The following TRIM55 variants were observed in gnomAD, a reference collection of about 807,000 sequenced individuals.
The protein encoded by TRIM55 is tripartite motif containing 55, also known as tripartite motif-containing protein 55.
In TRIM55, 50 loss-of-function variants were observed where a neutral mutation model predicts 60.9. The observed-to-expected ratio is 0.82, with a 90% CI of 0.65 to 1.04. The LOEUF (loss-of-function observed/expected upper bound fraction) is 1.04, where lower values mean the gene tolerates loss of function less well. Ranked by LOEUF, TRIM55 falls within the 50% of genes least tolerant of loss-of-function variation. The pLI is 0.00. For missense variants in TRIM55, 681 were observed against 666.9 expected (o/e 1.02, Z -0.23); for synonymous variants, 237 against 238.1 (o/e 1.00, Z 0.04).
chr8:66,159,228 T>G (rs1223822228), intron 9 of TRIM55, among the ~76,000 whole-genome samples: 2 of 152,238 alleles, frequency 1.3e-5, no homozygotes, highest in Non-Finnish European at 2.9e-5. Context: ...ACCACTGATG[T>G]GTTTGATTGT....
chr8:66,140,954 T>C (rs1809776133), intron 4 of TRIM55, among the ~76,000 whole-genome samples: 1 of 152,136 alleles, frequency 6.6e-6, no homozygotes, highest in South Asian at 2.1e-4. Context: ...CTGGGGTGGG[T>C]ATTATCCTTC....
intron 9 of TRIM55, among the ~76,000 whole-genome samples, chr8:66,163,957 A>G (rs140649510): frequency 6.6e-6 from 1 of 151,534 alleles, no homozygotes; most frequent in Admixed American, 6.6e-5. Context: ...GTTTAGGTAC[A>G]TTCATATTTA....
chr8:66,121,767 T>C, the TRIM55 span, among the ~76,000 whole-genome samples: 1 of 152,250 alleles, frequency 6.6e-6, no homozygotes. Context: ...TCACTGAATC[T>C]ATTCTGGTTC....
At chr8:66,169,791 G>A (rs1222029193) in intron 9 of TRIM55, among the ~76,000 whole-genome samples, 6 of 152,236 alleles carry the variant, frequency 3.9e-5, no homozygotes, top group South Asian at 2.1e-4. Context: ...CCAATCCAAG[G>A]CACAACACTG....
At chr8:66,166,613 T>A (rs1168931974) in intron 9 of TRIM55, among the ~76,000 whole-genome samples, 1 of 152,212 alleles carries the variant, frequency 6.6e-6, no homozygotes, top group African/African-American at 2.4e-5. Context: ...TGCTTTATCA[T>A]CTACAAAGTC....
At chr8:66,114,542 T>C in the TRIM55 span, 2 of 456,240 alleles carry the variant, frequency 4.4e-6, no homozygotes, top group East Asian at 6.9e-5. Context: ...TGATTTGTGA[T>C]AAGATGTCTG....
chr8:66,135,909 C>T (rs1401360771), intron 3 of TRIM55, among the ~76,000 whole-genome samples: 2 of 152,152 alleles, frequency 1.3e-5, no homozygotes, highest in African/African-American at 4.8e-5. Flanking sequence ...CCAATAGGTG[C>T]AGCCACTCCA....
intron 2 of TRIM55, among the ~76,000 whole-genome samples, chr8:66,131,056 T>C (rs1586171236): frequency 6.6e-6 from 1 of 152,016 alleles, no homozygotes; most frequent in East Asian, 1.9e-4. Flanking sequence ...TTGGCTAATA[T>C]TAATAATTAA....
chr8:66,163,050 T>C (rs754113092), intron 9 of TRIM55, among the ~76,000 whole-genome samples: 3 of 152,198 alleles, frequency 2.0e-5, no homozygotes, highest in Non-Finnish European at 4.4e-5. Flanking sequence ...TGACCATATA[T>C]GTGTGAGTCT....
chr8:66,132,432 C>T (rs760959281), intron 2 of TRIM55, among the ~76,000 whole-genome samples: 6 of 152,180 alleles, frequency 3.9e-5, no homozygotes, highest in Admixed American at 1.3e-4. Flanking sequence ...CCAGCCTGGG[C>T]GACAAGCAAA....
At chr8:66,151,861 TAAATAAATAAA>T (rs2128980891) in intron 7 of TRIM55, among the ~76,000 whole-genome samples, 1 of 128,548 alleles carries the variant, frequency 7.8e-6, no homozygotes, top group African/African-American at 3.3e-5. Context: ...AATAAATAAA[TAAATAAATAAA>T]TAAATAAATA....
chr8:66,168,520 A>G (rs1181846994), intron 9 of TRIM55, among the ~76,000 whole-genome samples: 1 of 152,228 alleles, frequency 6.6e-6, no homozygotes, highest in Non-Finnish European at 1.5e-5. Context: ...CCAGCCTAGC[A>G]GGTGCAAGAT....
Position 66,149,850 on chromosome 8 carries a change from A to T in TRIM55, c.809A>T (p.Asp270Val). The change falls in exon 5 of 10, where the codon GAT becomes GTT. Residue 270 changes from aspartate (D) to valine (V), a missense_variant. Coordinates refer to ENST00000315962, the MANE Select transcript of TRIM55 (RefSeq NM_184085.2). ...GTTGAGTCAGGAATTCAGTTTATGG[A>T]TGAGCCAGAAATGGCAGTGTTTCTG... Reference protein sequence around the residue: ...KLVESGIQFMDEPEMAVFLQN... With the variant: ...KLVESGIQFMVEPEMAVFLQN... 4 of 1,614,130 alleles carry T rather than the reference A, an allele frequency of 2.5e-6. No individual in the cohort carries two copies. The highest frequency in any genetic ancestry group is 3.4e-6 in the Non-Finnish European group (4 of 1,179,944).
At chr8:66,116,879 C>CT in the TRIM55 span, among the ~76,000 whole-genome samples, 1 of 152,160 alleles carries the variant, frequency 6.6e-6, no homozygotes, top group Non-Finnish European at 1.5e-5. Flanking sequence ...ACCAATATAG[C>CT]TTATGAATGT....
At chr8:66,157,912 C>A (rs1810834750) in intron 9 of TRIM55, among the ~76,000 whole-genome samples, 2 of 152,136 alleles carry the variant, frequency 1.3e-5, no homozygotes, top group Admixed American at 1.3e-4. Flanking sequence ...GAGTGATGGA[C>A]AGGACCACTA....
chr8:66,114,239 G>C, the TRIM55 span, among the ~76,000 whole-genome samples: 9 of 152,240 alleles, frequency 5.9e-5, no homozygotes, highest in South Asian at 2.1e-4. Context: ...GAGAGGTAGC[G>C]GGATCGATGC....
the TRIM55 span, chr8:66,114,633 C>G: frequency 2.2e-6 from 1 of 456,228 alleles, no homozygotes; most frequent in African/African-American, 2.0e-5. Flanking sequence ...AAACAGAGAA[C>G]TTGGAAACGG....
At chr8:66,168,458 C>G (rs1811444004) in intron 9 of TRIM55, among the ~76,000 whole-genome samples, 1 of 152,226 alleles carries the variant, frequency 6.6e-6, no homozygotes, top group Admixed American at 6.5e-5. Context: ...TAAACTTGGT[C>G]TCAGCATTCC....
chr8:66,130,034 G>A (rs1002419149), intron 2 of TRIM55, among the ~76,000 whole-genome samples: 32 of 152,164 alleles, frequency 2.1e-4, no homozygotes, highest in African/African-American at 7.2e-4. Flanking sequence ...ATTCTTTCAT[G>A]TTCTATTTAT....
Sources: allele counts gnomAD v4.1 joint callset (sites outside exome capture counted in the v4.1 genomes callset), GRCh38; gene constraint gnomAD v4.1.1; transcripts MANE v1.5; gene names NCBI Gene and HGNC (gene_info 2026-07-23, HGNC 2026-07-21).